Variants in AK8 observed in about 807,000 individuals in gnomAD.
AK8 encodes ATP-AMP transphosphorylase 8.
Under a neutral mutation model 54.6 loss-of-function variants are expected in AK8, and 44 were observed. That is an observed-to-expected ratio of 0.81 (90% CI 0.63 to 1.04). The LOEUF (loss-of-function observed/expected upper bound fraction) is 1.04. Among genes scored for constraint, AK8 ranks in the 50% least tolerant of loss-of-function variants. AK8 has a pLI of 0.00. For synonymous variants in AK8, 239 were observed against 245.6 expected (o/e 0.97, Z 0.25); for missense variants, 555 against 613.6 (o/e 0.90, Z 1.01).
At chr9:132,742,941 T>C in intron 11 of AK8, among the ~76,000 whole-genome samples, 1 of 152,170 alleles carries the variant, frequency 6.6e-6, no homozygotes, top group Non-Finnish European at 1.5e-5. Context: ...GAGCCACGAC[T>C]CAACCCAGGT....
At chr9:132,806,035 G>T (rs1273318429) in intron 10 of AK8, among the ~76,000 whole-genome samples, 1 of 151,902 alleles carries the variant, frequency 6.6e-6, no homozygotes, top group East Asian at 1.9e-4. Context: ...ACACCTGGGG[G>T]AGGCAACGCG....
chr9:132,755,475 T>C (rs1482297272), intron 11 of AK8, among the ~76,000 whole-genome samples: 1 of 152,194 alleles, frequency 6.6e-6, no homozygotes, highest in Non-Finnish European at 1.5e-5. Context: ...TCTGTTCTGC[T>C]AGAGGGAAGC....
intron 2 of AK8, among the ~76,000 whole-genome samples, chr9:132,873,400 T>C (rs1843941971): frequency 6.6e-6 from 1 of 152,018 alleles, no homozygotes; most frequent in Non-Finnish European, 1.5e-5. Flanking sequence ...CATTTTAAGA[T>C]GAGTGAGCTG....
chr9:132,863,884 C>T, intron 3 of AK8, 106 bp from the exon 4 acceptor site: 1 of 875,800 alleles, frequency 1.1e-6, no homozygotes, highest in Non-Finnish European at 1.7e-6. Flanking sequence ...AAAAGGTTGG[C>T]CATGGGGAAG....
rs745951453 is a variant in AK8 at position 132,790,921 on chromosome 9, T to C, written c.1121+1713A>G. ...TTAGAAAATATGGAATGAAAATATC[T>C]TATTATAATATCAGTAAGAAGAACA... is the stretch of plus-strand genomic sequence containing the variant. On this transcript the variant is annotated intron_variant, in intron 11 of 12. Transcript: ENST00000298545. This position sits in a 1 kb window ranked among gnomAD's most constrained non-coding sequence, Gnocchi z 4.1. 6.6e-6 allele frequency among the ~76,000 whole-genome samples: 1 copy of C among 152,120 alleles called. No homozygotes were observed. The highest frequency in any genetic ancestry group is 1.5e-5 in the Non-Finnish European group (1 of 68,028).
intron 10 of AK8, 22 bp from the exon 11 acceptor site, chr9:132,792,797 G>GAGTA: frequency 6.4e-7 from 1 of 1,550,480 alleles, no homozygotes; most frequent in Non-Finnish European, 8.7e-7. Context: ...GGGGGCAAGT[G>GAGTA]AGTACCCTGC....
At position 132,759,768 on chromosome 9, in the gene AK8, T is replaced by G. The variant is rs552864050; in HGVS notation, c.1122-32234A>C. On this transcript the variant is annotated intron_variant, in intron 11 of 12. Coordinates refer to ENST00000298545, the MANE Select transcript of AK8 (RefSeq NM_152572.3). ...GAGTGTTTCCGGGCTCTGTGTTCTG[T>G]GTCACTGGTTAGTAGATCTAATTTA... Among the ~76,000 whole-genome samples, 3 of 152,356 alleles carry G rather than the reference T, an allele frequency of 2.0e-5. No homozygotes were observed. The East Asian group carries it at 5.8e-4, about 29-fold the overall frequency.
intron 11 of AK8, among the ~76,000 whole-genome samples, chr9:132,732,914 A>C (rs970484865): frequency 6.6e-6 from 1 of 152,200 alleles, no homozygotes; most frequent in Non-Finnish European, 1.5e-5. Context: ...TGTGAACTTA[A>C]AACAACTATG....
chr9:132,779,130 C>A (rs1839351542), intron 11 of AK8, among the ~76,000 whole-genome samples: 2 of 152,086 alleles, frequency 1.3e-5, no homozygotes, highest in Admixed American at 1.3e-4. Context: ...TTGTACCAAC[C>A]CATAGTGAGT....
intron 11 of AK8, among the ~76,000 whole-genome samples, chr9:132,760,499 G>T (rs527749770): frequency 9.9e-5 from 15 of 152,162 alleles, no homozygotes; most frequent in Non-Finnish European, 2.2e-4. Context: ...AAATTCTTTG[G>T]GGCTTTCTTA....
At chr9:132,832,063 GAAAAAAAAAAAA>G (rs11284701) in intron 5 of AK8, among the ~76,000 whole-genome samples, 2 of 12,412 alleles carry the variant, frequency 1.6e-4, no homozygotes, top group South Asian at 6.2e-3. Context: ...CCTTGTCTCT[GAAAAAAAAAAAA>G]AAAAAAAAAA....
intron 10 of AK8, among the ~76,000 whole-genome samples, chr9:132,806,769 A>C (rs1481900760): frequency 6.6e-6 from 1 of 152,226 alleles, no homozygotes; most frequent in Non-Finnish European, 1.5e-5. Flanking sequence ...ATCTGGACTC[A>C]CGGAAGGCTC....
intron 11 of AK8, among the ~76,000 whole-genome samples, chr9:132,776,090 A>G (rs374745430): frequency 2.0e-5 from 3 of 152,220 alleles, no homozygotes; most frequent in African/African-American, 7.2e-5. Context: ...TTACACAAAC[A>G]TTGGAAATAA....
chr9:132,812,021 G>A (rs978824448), intron 10 of AK8, among the ~76,000 whole-genome samples: 4 of 152,108 alleles, frequency 2.6e-5, no homozygotes, highest in Admixed American at 6.5e-5. Flanking sequence ...TCTGGTTAGT[G>A]GGGAATTAAA....
intron 12 of AK8, 141 bp downstream of exon 12, chr9:132,727,313 G>T: frequency 2.6e-6 from 2 of 782,638 alleles, no homozygotes; most frequent in Non-Finnish European, 2.2e-6. Context: ...ACAGCCAGTT[G>T]GATAAAGTCC....
intron 11 of AK8, among the ~76,000 whole-genome samples, chr9:132,732,533 T>A (rs564627632): frequency 1.3e-5 from 2 of 152,132 alleles, no homozygotes; most frequent in Admixed American, 1.3e-4. Flanking sequence ...TTGTTTAGAA[T>A]GCAAGGCTGA....
rs933535987 is a variant in AK8 at position 132,790,442 on chromosome 9, G to A, written c.1121+2192C>T. ...ATTTTTTGTATTTTTTAGTAGAGACGGGTTTCACCATGTTAGCCAGGATGG... is the reference window on the plus strand; with the variant it reads ...ATTTTTTGTATTTTTTAGTAGAGACAGGTTTCACCATGTTAGCCAGGATGG... On this transcript the variant is annotated intron_variant, in intron 11 of 12. Transcript: ENST00000298545. This position sits in a 1 kb window ranked among gnomAD's most constrained non-coding sequence, Gnocchi z 4.1. Among the ~76,000 whole-genome samples the A allele has an allele frequency of 3.9e-5, 6 of 152,018 alleles. No homozygotes were observed. The highest frequency in any genetic ancestry group is 1.3e-4 in the Admixed American group (2 of 15,272).
At position 132,844,825 on chromosome 9, in the gene AK8, T is replaced by C. The variant is rs1053159795; in HGVS notation, c.402+10032A>G. Reference sequence around the variant, plus strand: ...CCCATGGTTTTATAGATGGAAAAACTGAGGCCTAAGGAAGTGAAGCTCTCA... The same window carrying C: ...CCCATGGTTTTATAGATGGAAAAACCGAGGCCTAAGGAAGTGAAGCTCTCA... On this transcript the variant is annotated intron_variant, in intron 5 of 12. Coordinates refer to ENST00000298545, the MANE Select transcript of AK8 (RefSeq NM_152572.3). Among the ~76,000 whole-genome samples the C allele has an allele frequency of 2.0e-5, 3 of 152,226 alleles. No individual in the cohort carries two copies. The East Asian group carries it at 5.8e-4, about 29-fold the overall frequency.
chr9:132,734,025 C>T (rs1003251043), intron 11 of AK8, among the ~76,000 whole-genome samples: 3 of 152,148 alleles, frequency 2.0e-5, no homozygotes, highest in East Asian at 1.9e-4. Flanking sequence ...AGCTTATTAA[C>T]GACACAGATC....
Sources: allele counts gnomAD v4.1 joint callset (sites outside exome capture counted in the v4.1 genomes callset), GRCh38; gene constraint gnomAD v4.1.1; non-coding constraint Gnocchi (gnomAD v3.1); transcripts MANE v1.5; gene names NCBI Gene and HGNC (gene_info 2026-07-23, HGNC 2026-07-21).